Variants in COX10 observed in about 807,000 individuals in gnomAD.
COX10 encodes cytochrome c oxidase assembly factor heme A:farnesyltransferase COX10.
Under a neutral mutation model 37.3 loss-of-function variants are expected in COX10, and 27 were observed. The observed-to-expected ratio is 0.72, with a 90% CI of 0.53 to 1.00. COX10 has a LOEUF of 1.00. Among genes scored for constraint, COX10 ranks in the 50% least tolerant of loss-of-function variants. The probability of loss-of-function intolerance (pLI) is 0.00; values close to 1 mark genes in which losing one functional copy is unlikely to be tolerated. For missense variants in COX10, 475 were observed against 563.2 expected (o/e 0.84, Z 1.59); for synonymous variants, 222 against 229.1 (o/e 0.97, Z 0.28).
chr17:14,166,785 C>CTTTTTTTTTTTTTT (rs57127092), intron 5 of COX10, among the ~76,000 whole-genome samples: 23 of 100,250 alleles, frequency 2.3e-4, no homozygotes, highest in East Asian at 9.6e-4. Context: ...CTATTTCTTT[C>CTTTTTTTTTTTTTT]TTTTTTTTTT....
chr17:14,101,750 A>G (rs1236722256), intron 3 of COX10, among the ~76,000 whole-genome samples: 2 of 152,116 alleles, frequency 1.3e-5, no homozygotes, highest in Non-Finnish European at 2.9e-5. Flanking sequence ...CTCCCTTTCA[A>G]ATTAGTCAAG....
chr17:14,156,697 C>CTGCTCAGCCT (rs1351002542), intron 4 of COX10, among the ~76,000 whole-genome samples: 1 of 152,158 alleles, frequency 6.6e-6, no homozygotes, highest in Non-Finnish European at 1.5e-5. Flanking sequence ...ACCCTATGCC[C>CTGCTCAGCCT]TTAACCATCT....
In COX10 at chr17:14,069,557, A is replaced by G; in HGVS notation, c.-49A>G. ...AGATGGCGGCGCCCAGCGTCCCGTG[A>G]GGAGAGAGGACACAGGGATCCCGGG... On this transcript the variant is annotated 5_prime_UTR_variant, in exon 1 of 7. It removes the in-frame stop codon of an upstream open reading frame in the 5' UTR. Transcript: ENST00000261643. The G allele has an allele frequency of 6.2e-7, 1 of 1,607,990 alleles. No homozygotes were observed. Among genetic ancestry groups the G allele is most frequent in the Non-Finnish European group, 8.5e-7 (1 of 1,175,768 alleles).
intron 5 of COX10, among the ~76,000 whole-genome samples, chr17:14,167,825 T>C (rs1905335156): frequency 6.6e-6 from 1 of 152,172 alleles, no homozygotes; most frequent in Non-Finnish European, 1.5e-5. Flanking sequence ...CCTCGACATA[T>C]GAGAATTACA....
chr17:14,081,379 C>T (rs998995835), intron 3 of COX10, among the ~76,000 whole-genome samples: 5 of 152,180 alleles, frequency 3.3e-5, no homozygotes, highest in African/African-American at 4.8e-5. Flanking sequence ...TTAAGGAAAT[C>T]GAATGAGTAG....
At chr17:14,082,544 G>A (rs1451346339) in intron 3 of COX10, among the ~76,000 whole-genome samples, 1 of 152,008 alleles carries the variant, frequency 6.6e-6, no homozygotes, top group African/African-American at 2.4e-5. Flanking sequence ...TTTTTTCTTG[G>A]CCACATCTTC....
chr17:14,207,344 C>A lies in COX10; in HGVS notation c.*131C>A. 8 of 1,169,928 alleles carry A rather than the reference C, an allele frequency of 6.8e-6. No homozygotes were observed. Among genetic ancestry groups the A allele is most frequent in the African/African-American group, 1.6e-5 (1 of 63,016 alleles). 72.5% of individuals were successfully genotyped at this position (1,169,928 alleles called of 1,614,324 possible). ...AAACGAATTCGGTGCTCAGTGATCA[C>A]TTGACAGTTTTTTTTTTTTTTAAAT... On this transcript the variant is annotated 3_prime_UTR_variant, in exon 7 of 7. Transcript: ENST00000261643.
rs1472265600 is a variant in COX10, at chr17:14,208,646, T to G, written c.*1433T>G. The G allele has an allele frequency of 2.0e-5, 3 of 152,208 alleles. No homozygotes were observed. The East Asian group carries it at 5.8e-4, about 29-fold the overall frequency. The allele number at this position is 152,208 out of a possible 1,614,324, so 9.4% of individuals were successfully genotyped here. A position where few individuals can be genotyped will look rare whatever the true frequency, so the allele number is the denominator to read the frequency against. On this transcript the variant is annotated 3_prime_UTR_variant, in exon 7 of 7. Transcript: ENST00000261643. Reference sequence around the variant, plus strand: ...ACATTTGTACAATTCATTGATTCTCTTTTCCTTCCACAATAAAATGGTATA... The same window carrying G: ...ACATTTGTACAATTCATTGATTCTCGTTTCCTTCCACAATAAAATGGTATA...
chr17:14,138,430 A>G (rs1904444132), intron 4 of COX10, among the ~76,000 whole-genome samples: 3 of 152,206 alleles, frequency 2.0e-5, no homozygotes, highest in Admixed American at 2.0e-4. Context: ...CTTGTTGAAA[A>G]GAACAAAATC....
chr17:14,076,644 T>G, intron 2 of COX10, 91 bp from the exon 3 acceptor site: 1 of 1,217,722 alleles, frequency 8.2e-7, no homozygotes. Flanking sequence ...TCAAATAATG[T>G]AAAAGCTGGT....
In COX10 at chr17:14,206,944, C is replaced by T. The variant is rs980477027; in HGVS notation, c.1063C>T (p.Arg355Cys). ...GGTCACCCACCCGGGCCTGTGCCGG[C>T]GCGTGGCGCTGCGCCACTGCCTGGC... Reference protein sequence around the residue: ...MSVTHPGLCRRVALRHCLALL... With the variant: ...MSVTHPGLCRCVALRHCLALL... Residue 355 changes from arginine to cysteine, a missense_variant, in exon 7 of 7, where the codon CGC (arginine) becomes TGC (cysteine). Physicochemically the swap from Arg to Cys is radical, Grantham distance 180. Coordinates refer to ENST00000261643, the MANE Select transcript of COX10 (RefSeq NM_001303.4). 16 of 1,613,592 alleles carry T rather than the reference C, an allele frequency of 9.9e-6. No homozygotes were observed. Among genetic ancestry groups the T allele is most frequent in the East Asian group, 6.7e-5 (3 of 44,864 alleles).
At chr17:14,135,986 A>G (rs1182950292) in intron 4 of COX10, among the ~76,000 whole-genome samples, 1 of 151,992 alleles carries the variant, frequency 6.6e-6, no homozygotes, top group Non-Finnish European at 1.5e-5. Flanking sequence ...ATAATGACAA[A>G]AGAAATTAAA....
chr17:14,131,787 A>G (rs1385694452), intron 4 of COX10, among the ~76,000 whole-genome samples: 4 of 152,038 alleles, frequency 2.6e-5, no homozygotes, highest in African/African-American at 7.2e-5. Flanking sequence ...CAGTCACTGT[A>G]AGAAAGAACG....
rs752599981 is a variant in COX10 at position 14,126,811 on chromosome 17, ATCTC to A, written c.624+24573_624+24576del. Among the ~76,000 whole-genome samples, 111 of 152,244 alleles carry A rather than the reference ATCTC, an allele frequency of 7.3e-4. 1 individual carries two copies. The highest frequency in any genetic ancestry group is 6.8e-3 in the Middle Eastern group (2 of 294). ...TCTTTCAAGCTCCTGAATTATTAAT[ATCTC>A]TCTTTTTTTGCTTTATATAATGTTT... On this transcript the variant is annotated intron_variant, in intron 4 of 6. Coordinates refer to ENST00000261643, the MANE Select transcript of COX10 (RefSeq NM_001303.4).
At chr17:14,155,818 A>G (rs1905029393) in intron 4 of COX10, among the ~76,000 whole-genome samples, 1 of 151,896 alleles carries the variant, frequency 6.6e-6, no homozygotes, top group South Asian at 2.1e-4. Flanking sequence ...GGAAAGGGAG[A>G]TGTTGCTTCC....
rs116174459 is a variant in COX10, at chr17:14,170,685, G to A, written c.695+10738G>A. Reference sequence around the variant, plus strand: ...ATTTTAAAATTAGCCGAGCATGGTGGCACACTCCTGTCATCCCAGCTCCTT... The same window carrying A: ...ATTTTAAAATTAGCCGAGCATGGTGACACACTCCTGTCATCCCAGCTCCTT... On this transcript the variant is annotated intron_variant, in intron 5 of 6. Transcript: ENST00000261643. Among the ~76,000 whole-genome samples the A allele has an allele frequency of 6.9e-3, 1,057 of 152,212 alleles. 9 individuals are homozygous for A. Among genetic ancestry groups the A allele is most frequent in the African/African-American group, 0.024 (997 of 41,536 alleles).
At chr17:14,071,286 T>C (rs1397673736) in intron 1 of COX10, among the ~76,000 whole-genome samples, 1 of 152,140 alleles carries the variant, frequency 6.6e-6, no homozygotes, top group Non-Finnish European at 1.5e-5. Flanking sequence ...CCAGTTCCAG[T>C]AGGTGGGCTG....
At chr17:14,129,172 G>T in intron 4 of COX10, among the ~76,000 whole-genome samples, 3 of 148,958 alleles carry the variant, frequency 2.0e-5, no homozygotes, top group African/African-American at 2.5e-5. Context: ...TTTAAACACT[G>T]GTTTTGCATT....
chr17:14,129,631 G>C lies in COX10; in HGVS notation c.624+27389G>C, dbSNP rs572357176. 2.0e-5 allele frequency among the ~76,000 whole-genome samples: 3 copies of C among 152,254 alleles called. No homozygotes were observed. The South Asian group carries it at 6.2e-4, about 32-fold the overall frequency. The stretch of plus-strand genomic sequence containing the variant: ...TTTGACTGTTTCATTAAGGCCCCTT[G>C]AGAAAACTCCCCATAATTATTTTTT... On this transcript the variant is annotated intron_variant, in intron 4 of 6. Transcript: ENST00000261643.
Sources: gnomAD v4.1 joint callset for allele counts (sites outside exome capture counted in the v4.1 genomes callset) on GRCh38, gnomAD v4.1.1 for gene constraint, MANE v1.5 for transcripts, NCBI Gene and HGNC (gene_info 2026-07-23, HGNC 2026-07-21) for gene names.